Variants in MICU3 observed in about 807,000 individuals in gnomAD.
MICU3 encodes calcium uptake protein 3, mitochondrial.
In MICU3, 62 loss-of-function variants were observed where a neutral mutation model predicts 66.5. The ratio of observed to expected loss-of-function variants is 0.93; its 90% CI spans 0.76 to 1.15. The LOEUF is 1.15. Among genes scored for constraint, MICU3 ranks in the 50% most tolerant of loss-of-function variants. The pLI is 0.00. For missense variants in MICU3, 779 were observed against 664.4 expected, an observed-to-expected ratio of 1.17 and a Z score of -1.90; for synonymous variants, 308 against 240.7, an observed-to-expected ratio of 1.28 and a Z score of -2.59.
chr8:17,131,831 G>A, the MICU3 span: 3 of 152,154 alleles, frequency 2.0e-5, no homozygotes, highest in African/African-American at 7.2e-5. Flanking sequence ...AGCTAGCAAA[G>A]GAGAAATATT....
the MICU3 span, among the ~76,000 whole-genome samples, chr8:17,138,004 C>A: frequency 2.0e-5 from 3 of 152,042 alleles, no homozygotes; most frequent in East Asian, 1.9e-4. Flanking sequence ...CATGAACCAC[C>A]ATGCCCAGCC....
At chr8:17,031,968 G>A (rs1321894523) in intron 1 of MICU3, among the ~76,000 whole-genome samples, 1 of 152,158 alleles carries the variant, frequency 6.6e-6, no homozygotes, top group African/African-American at 2.4e-5. Flanking sequence ...CTTAAGGAGA[G>A]GCACTGTGTT....
chr8:17,063,496 C>T lies in MICU3; in HGVS notation c.382-588C>T, dbSNP rs189735534. ...GAAAATAACAATGGAATATTATCTA[C>T]AAGGAAAGGTCTTGAAGGAAAAGAG... On this transcript the variant is annotated intron_variant, in intron 1 of 14. Coordinates refer to ENST00000318063, the MANE Select transcript of MICU3 (RefSeq NM_181723.3). 7.9e-5 allele frequency among the ~76,000 whole-genome samples: 12 copies of T among 152,136 alleles called. No homozygotes were observed. The East Asian group carries it at 2.3e-3, about 29-fold the overall frequency.
chr8:17,082,142 A>G (rs1288799454), intron 5 of MICU3, among the ~76,000 whole-genome samples: 2 of 148,146 alleles, frequency 1.4e-5, no homozygotes, highest in African/African-American at 4.8e-5. Flanking sequence ...TTCACATCTA[A>G]AACTTCTATT....
chr8:17,109,192 TG>T (rs1174837170), intron 11 of MICU3, among the ~76,000 whole-genome samples: 1 of 152,200 alleles, frequency 6.6e-6, no homozygotes, highest in Non-Finnish European at 1.5e-5. Context: ...TCTAACATAC[TG>T]TATAATTTGC....
rs79841037 is a variant in MICU3 at position 17,032,921 on chromosome 8, A to C, written c.381+5261A>C. ...CTGTTATGGTAATCTGTGATCATTT[A>C]TCTTTGACCTTACTATTGTAATTGT... On this transcript the variant is annotated intron_variant, in intron 1 of 14. Transcript: ENST00000318063. Among the ~76,000 whole-genome samples the C allele has an allele frequency of 4.6e-3, 695 of 152,290 alleles. 6 individuals are homozygous for C. The highest frequency in any genetic ancestry group is 0.016 in the African/African-American group (646 of 41,558).
chr8:17,049,645 A>G (rs1250501689), intron 1 of MICU3: 1 of 518,138 alleles, frequency 1.9e-6, no homozygotes. Context: ...AAACCCATAT[A>G]CTTTCATTCC....
intron 2 of MICU3, among the ~76,000 whole-genome samples, chr8:17,064,594 C>T (rs933314457): frequency 2.6e-5 from 4 of 152,106 alleles, no homozygotes; most frequent in South Asian, 2.1e-4. Flanking sequence ...ATCTCTTCTG[C>T]GTTTGTCATA....
At chr8:17,037,428 C>T (rs970394047) in intron 1 of MICU3, among the ~76,000 whole-genome samples, 11 of 152,306 alleles carry the variant, frequency 7.2e-5, no homozygotes, top group African/African-American at 2.4e-4. Flanking sequence ...TGTGTCCCAG[C>T]CATGGCCAAA....
chr8:17,075,188 T>TG (rs1820193184), intron 3 of MICU3, among the ~76,000 whole-genome samples: 1 of 148,132 alleles, frequency 6.8e-6, no homozygotes, highest in Non-Finnish European at 1.5e-5. Flanking sequence ...AACATGGAGT[T>TG]GGGGTGTGTC....
At chr8:17,104,519 A>G (rs763110983) in intron 10 of MICU3, 28 bp downstream of exon 10, 1 of 1,195,492 alleles carries the variant, frequency 8.4e-7, no homozygotes, top group Non-Finnish European at 1.2e-6. Flanking sequence ...TTTTTATTAA[A>G]AATTATTAGC....
chr8:17,095,005 A>G (rs917222584), intron 8 of MICU3, among the ~76,000 whole-genome samples: 1 of 151,986 alleles, frequency 6.6e-6, no homozygotes, highest in East Asian at 1.9e-4. Flanking sequence ...CTGATACTAA[A>G]TTTCAGCGGT....
chr8:17,066,528 T>G (rs1818718712), intron 2 of MICU3, among the ~76,000 whole-genome samples: 1 of 127,650 alleles, frequency 7.8e-6, no homozygotes, highest in Non-Finnish European at 1.6e-5. Context: ...TATATATATA[T>G]ATATATATAT....
chr8:17,111,711 G>A (rs1802219186), intron 11 of MICU3, among the ~76,000 whole-genome samples: 1 of 152,124 alleles, frequency 6.6e-6, no homozygotes, highest in Non-Finnish European at 1.5e-5. Context: ...TGAAGTTAGG[G>A]TCTAGCTTCT....
chr8:17,123,557 G>C (rs886233963), downstream of MICU3, among the ~76,000 whole-genome samples: 1 of 152,086 alleles, frequency 6.6e-6, no homozygotes, highest in East Asian at 1.9e-4. Context: ...GTATAGTATT[G>C]AGCATGGGGG....
chr8:17,127,242 T>A (rs987898280), downstream of MICU3, among the ~76,000 whole-genome samples: 5 of 152,214 alleles, frequency 3.3e-5, no homozygotes, highest in African/African-American at 1.2e-4. Context: ...TCTTTGGTGC[T>A]AAGAGTTTCT....
At chr8:17,095,457 T>G (rs1236461796) in intron 8 of MICU3, among the ~76,000 whole-genome samples, 7 of 151,932 alleles carry the variant, frequency 4.6e-5, no homozygotes, top group African/African-American at 1.7e-4. Flanking sequence ...ACACGAATTA[T>G]AAAGATATAG....
At chr8:17,028,540 G>A (rs1563254989) in intron 1 of MICU3, among the ~76,000 whole-genome samples, 1 of 152,164 alleles carries the variant, frequency 6.6e-6, no homozygotes, top group Non-Finnish European at 1.5e-5. Context: ...AATGTGAACG[G>A]CGTAGATGAA....
chr8:17,084,290 AATTTGT>A (rs1382699666), intron 5 of MICU3, among the ~76,000 whole-genome samples: 1 of 152,080 alleles, frequency 6.6e-6, no homozygotes, highest in Non-Finnish European at 1.5e-5. Context: ...AGATGTTGTA[AATTTGT>A]ATTAGATTTC....
Sources: gnomAD v4.1 joint callset for allele counts (sites outside exome capture counted in the v4.1 genomes callset) on GRCh38, gnomAD v4.1.1 for gene constraint, MANE v1.5 for transcripts, NCBI Gene and HGNC (gene_info 2026-07-23, HGNC 2026-07-21) for gene names.